The following CELF2 variants were observed in gnomAD, a reference collection of about 807,000 sequenced individuals.
CELF2 encodes the protein CUG triplet repeat RNA-binding protein 2.
In CELF2, 8 loss-of-function variants were observed where a neutral mutation model predicts 62.6. The ratio of observed to expected loss-of-function variants is 0.13; its 90% CI spans 0.07 to 0.23. The LOEUF (loss-of-function observed/expected upper bound fraction) is 0.23, where lower values mean the gene tolerates loss of function less well. Among genes scored for constraint, CELF2 ranks in the 10% least tolerant of loss-of-function variants. The pLI, the probability that CELF2 is intolerant of heterozygous loss-of-function variation, is 1.00. For missense variants in CELF2, 333 were observed against 671.0 expected, an observed-to-expected ratio of 0.50 and a Z score of 5.56; for synonymous variants, 258 against 250.0, an observed-to-expected ratio of 1.03 and a Z score of -0.30.
At chr10:10,509,558 T>C in the CELF2 span, among the ~76,000 whole-genome samples, 1 of 152,196 alleles carries the variant, frequency 6.6e-6, no homozygotes, top group Non-Finnish European at 1.5e-5. Flanking sequence ...TTTAATTTTT[T>C]TATTGTCTGT....
intron 1 of CELF2, among the ~76,000 whole-genome samples, chr10:11,033,257 ATTT>A (rs199975812): frequency 0.02 from 2,751 of 139,108 alleles, 95 homozygotes; most frequent in African/African-American, 0.07. Flanking sequence ...TGTTCAGGGC[ATTT>A]TTTTTTTTTT....
intron 2 of CELF2, among the ~76,000 whole-genome samples, chr10:11,201,156 G>A (rs537454041): frequency 5.3e-4 from 81 of 152,348 alleles, no homozygotes; most frequent in Non-Finnish European, 9.6e-4. Context: ...GTGTTGGGTA[G>A]TCCCCTGAAG....
At chr10:10,982,349 A>C (rs1038962947) in intron 2 of CELF2, among the ~76,000 whole-genome samples, 2 of 152,182 alleles carry the variant, frequency 1.3e-5, no homozygotes, top group African/African-American at 4.8e-5. Context: ...GAAGTCTTAC[A>C]GTTACCCCAA....
the CELF2 span, among the ~76,000 whole-genome samples, chr10:10,546,656 C>G: frequency 2.2e-4 from 33 of 152,182 alleles, no homozygotes; most frequent in African/African-American, 7.7e-4. Context: ...GAGCACAATA[C>G]TTTAGAATGG....
At chr10:10,499,771 A>G in the CELF2 span, among the ~76,000 whole-genome samples, 1 of 152,152 alleles carries the variant, frequency 6.6e-6, no homozygotes, top group Non-Finnish European at 1.5e-5. Context: ...CCAGCTACTC[A>G]GGAGTCTGAG....
intron 2 of CELF2, chr10:10,960,085 G>C (rs1161994519): frequency 6.6e-6 from 1 of 152,272 alleles, no homozygotes; most frequent in Non-Finnish European, 1.5e-5. Flanking sequence ...CAGCCGGATA[G>C]TACGCTTCCT....
In CELF2 at chr10:11,039,309, C is replaced by T. The variant is rs1283801711; in HGVS notation, c.74+21146C>T. On this transcript the variant is annotated intron_variant, in intron 1 of 12. Coordinates refer to ENST00000633077, the MANE Select transcript of CELF2 (RefSeq NM_001326342.2). This position sits in a 1 kb window ranked among gnomAD's most constrained non-coding sequence, Gnocchi z 4.1. ...TGCTGAGATGAACTGGGCCAATTCT[C>T]ATGGGGCACCTCCCATGCCAGGATT... Among the ~76,000 whole-genome samples, 1 of 152,200 alleles carries T rather than the reference C, an allele frequency of 6.6e-6. No individual in the cohort carries two copies. The highest frequency in any genetic ancestry group is 1.5e-5 in the Non-Finnish European group (1 of 68,034).
the CELF2 span, among the ~76,000 whole-genome samples, chr10:10,618,248 T>C: frequency 6.6e-6 from 1 of 152,066 alleles, no homozygotes; most frequent in Non-Finnish European, 1.5e-5. Flanking sequence ...CTCCCTGACC[T>C]CTTAGGAATG....
chr10:10,774,493 A>G, the CELF2 span, among the ~76,000 whole-genome samples: 5 of 152,130 alleles, frequency 3.3e-5, no homozygotes, highest in African/African-American at 4.8e-5. Context: ...CGTTCTCATG[A>G]TAGAGTTCTT....
At chr10:10,944,422 C>T (rs1029877208) in intron 2 of CELF2, 2 of 152,688 alleles carry the variant, frequency 1.3e-5, no homozygotes, top group African/African-American at 2.4e-5. Context: ...CACACAGAAG[C>T]AGCCTTGGCC....
intron 3 of CELF2, among the ~76,000 whole-genome samples, chr10:11,238,804 C>G (rs553335961): frequency 6.6e-6 from 1 of 152,334 alleles, no homozygotes; most frequent in East Asian, 1.9e-4. Context: ...CACACTCACA[C>G]TTTGATCATA....
chr10:10,982,903 T>C (rs1021062910), intron 2 of CELF2, among the ~76,000 whole-genome samples: 1 of 141,858 alleles, frequency 7.0e-6, no homozygotes, highest in Non-Finnish European at 1.5e-5. Context: ...TTTTCTGGTG[T>C]GTGTTTTTTT....
intron 1 of CELF2, among the ~76,000 whole-genome samples, chr10:10,817,792 A>C (rs1447710098): frequency 5.9e-5 from 9 of 152,244 alleles, no homozygotes; most frequent in Non-Finnish European, 1.0e-4. Flanking sequence ...TAGAAGCAAT[A>C]ACATCATTAT....
chr10:11,166,968 G>A (rs2067413840), intron 2 of CELF2, among the ~76,000 whole-genome samples: 1 of 152,226 alleles, frequency 6.6e-6, no homozygotes, highest in Non-Finnish European at 1.5e-5. Flanking sequence ...AGGTGGACAT[G>A]CGTGTCTTCG....
chr10:10,556,492 T>A, the CELF2 span, among the ~76,000 whole-genome samples: 1 of 152,208 alleles, frequency 6.6e-6, no homozygotes, highest in East Asian at 1.9e-4. Flanking sequence ...GCAATAAACA[T>A]ACGTGTGCGT....
the CELF2 span, among the ~76,000 whole-genome samples, chr10:10,464,080 T>C: frequency 3.3e-5 from 5 of 152,102 alleles, no homozygotes; most frequent in Non-Finnish European, 5.9e-5. Flanking sequence ...TTCTATCTAA[T>C]TGTGTCGCTC....
chr10:10,494,989 C>T, the CELF2 span, among the ~76,000 whole-genome samples: 1 of 152,094 alleles, frequency 6.6e-6, no homozygotes, highest in South Asian at 2.1e-4. Flanking sequence ...AAATTTACCT[C>T]TTTGTGGCCA....
intron 2 of CELF2, among the ~76,000 whole-genome samples, chr10:10,956,570 TA>T (rs2048920944): frequency 6.6e-6 from 1 of 152,158 alleles, no homozygotes; most frequent in Admixed American, 6.5e-5. Flanking sequence ...TAGTGTTAAA[TA>T]ATACCCACTA....
chr10:10,791,119 T>C, the CELF2 span, among the ~76,000 whole-genome samples: 2 of 152,192 alleles, frequency 1.3e-5, no homozygotes, highest in Non-Finnish European at 2.9e-5. Context: ...TCTATTTTCA[T>C]TTCAGATCTT....
Sources: allele counts gnomAD v4.1 joint callset (sites outside exome capture counted in the v4.1 genomes callset), GRCh38; gene constraint gnomAD v4.1.1; non-coding constraint Gnocchi (gnomAD v3.1); transcripts MANE v1.5; gene names NCBI Gene and HGNC (gene_info 2026-07-23, HGNC 2026-07-21).